INSL6: variants seen among roughly 807,000 people sequenced by gnomAD.
INSL6 encodes the protein insulin-like peptide INSL6.
A neutral mutation model predicts 9.4 loss-of-function variants in INSL6; 16 were observed. The ratio of observed to expected loss-of-function variants is 1.70; its 90% CI spans 1.15 to 2.59. The LOEUF is 2.59. INSL6 is among the 30% of genes most tolerant of loss of function. The probability of loss-of-function intolerance (pLI) is 0.00; values close to 1 mark genes in which losing one functional copy is unlikely to be tolerated. For missense variants in INSL6, 391 were observed against 257.3 expected (o/e 1.52, Z -3.56); for synonymous variants, 154 against 96.9 (o/e 1.59, Z -3.46).
chr9:5,064,193 T>C, the INSL6 span, among the ~76,000 whole-genome samples: 38,115 of 151,680 alleles, frequency 0.25, 5,169 homozygotes, highest in South Asian at 0.31. Context: ...TAGCTACATA[T>C]CCTAACATTT....
At chr9:5,110,669 A>C in the INSL6 span, 2 of 306,162 alleles carry the variant, frequency 6.5e-6, no homozygotes, top group African/African-American at 4.4e-5. Flanking sequence ...ATACTGTCAT[A>C]TACCAACGCC....
chr9:5,171,494 A>T (rs890173907), intron 1 of INSL6, among the ~76,000 whole-genome samples: 5 of 152,326 alleles, frequency 3.3e-5, no homozygotes, highest in African/African-American at 1.2e-4. Context: ...CAATCGGGCA[A>T]GAGAAAGAAA....
chr9:5,147,693 G>A (rs897809644), intron 2 of INSL6, among the ~76,000 whole-genome samples: 1 of 152,196 alleles, frequency 6.6e-6, no homozygotes, highest in African/African-American at 2.4e-5. Flanking sequence ...GAATGCTGAT[G>A]AGTTGTAAAT....
chr9:5,092,315 T>C, the INSL6 span, among the ~76,000 whole-genome samples: 5 of 152,162 alleles, frequency 3.3e-5, no homozygotes, highest in South Asian at 1.0e-3. Context: ...TCCGCAAATA[T>C]CATTCTAGAA....
the INSL6 span, among the ~76,000 whole-genome samples, chr9:5,038,600 T>A: frequency 0.013 from 1,002 of 79,890 alleles, 10 homozygotes; most frequent in African/African-American, 0.049. Flanking sequence ...TTTTAGATTT[T>A]TTTTTTTTTT....
the INSL6 span, chr9:5,086,202 G>T: frequency 1.7e-6 from 1 of 576,250 alleles, no homozygotes; most frequent in African/African-American, 2.0e-5. Context: ...CGCCGCCCCC[G>T]CCACCAGCGC....
intron 1 of INSL6, among the ~76,000 whole-genome samples, chr9:5,172,391 T>A (rs573812998): frequency 3.9e-5 from 6 of 152,100 alleles, no homozygotes; most frequent in South Asian, 4.1e-4. Flanking sequence ...ATTCACAACA[T>A]AGGTATGGGC....
chr9:5,073,730 G>T, the INSL6 span: 1 of 1,612,318 alleles, frequency 6.2e-7, no homozygotes, highest in South Asian at 1.1e-5. Context: ...TGATGAGCAA[G>T]CTTTCTCACA....
the INSL6 span, among the ~76,000 whole-genome samples, chr9:5,021,593 C>T: frequency 6.6e-6 from 1 of 152,108 alleles, no homozygotes; most frequent in African/African-American, 2.4e-5. Context: ...TGAAGGGTGC[C>T]TTATCAATAT....
chr9:5,086,615 C>A, the INSL6 span, among the ~76,000 whole-genome samples: 7 of 152,128 alleles, frequency 4.6e-5, no homozygotes, highest in Non-Finnish European at 8.8e-5. Flanking sequence ...TCCTTGGCTT[C>A]TCTACCCCAA....
At chr9:5,059,378 G>A in the INSL6 span, among the ~76,000 whole-genome samples, 4 of 152,084 alleles carry the variant, frequency 2.6e-5, no homozygotes, top group African/African-American at 9.7e-5. Flanking sequence ...ATTCATTTAT[G>A]TTGTTACATG....
chr9:5,171,888 T>G (rs1429872889), intron 1 of INSL6, among the ~76,000 whole-genome samples: 1 of 152,050 alleles, frequency 6.6e-6, no homozygotes, highest in Non-Finnish European at 1.5e-5. Flanking sequence ...AGAATCAATA[T>G]CGTGAAAATG....
At chr9:5,042,924 C>T in the INSL6 span, among the ~76,000 whole-genome samples, 4 of 152,128 alleles carry the variant, frequency 2.6e-5, no homozygotes, top group Non-Finnish European at 4.4e-5. Context: ...GTGGGCCCTG[C>T]TAGGAGGGTG....
chr9:5,105,893 A>G, the INSL6 span, among the ~76,000 whole-genome samples: 1 of 152,224 alleles, frequency 6.6e-6, no homozygotes, highest in Non-Finnish European at 1.5e-5. Flanking sequence ...CCTTCCTTAC[A>G]CCTTATAGAA....
chr9:5,046,566 T>G, the INSL6 span, among the ~76,000 whole-genome samples: 1 of 152,232 alleles, frequency 6.6e-6, no homozygotes, highest in Non-Finnish European at 1.5e-5. Flanking sequence ...CATTTTGAGT[T>G]AATTTTTGTC....
At chr9:5,021,886 G>A in the INSL6 span, 1 of 782,038 alleles carries the variant, frequency 1.3e-6, no homozygotes, top group Non-Finnish European at 2.1e-6. Flanking sequence ...GCCCGCCTCG[G>A]CCCCGCAAAG....
chr9:5,174,778 T>G (rs1586877442), intron 1 of INSL6, among the ~76,000 whole-genome samples: 1 of 152,196 alleles, frequency 6.6e-6, no homozygotes, highest in Non-Finnish European at 1.5e-5. Context: ...AAACTCAACA[T>G]TGTCTAAAAC....
chr9:5,167,820 G>A (rs1825089197), intron 1 of INSL6, among the ~76,000 whole-genome samples: 1 of 152,156 alleles, frequency 6.6e-6, no homozygotes, highest in African/African-American at 2.4e-5. Flanking sequence ...GGAGTGTTCT[G>A]CTGGCATCAG....
the INSL6 span, chr9:5,065,109 A>G: frequency 6.9e-6 from 7 of 1,010,936 alleles, no homozygotes; most frequent in Admixed American, 1.6e-4. Context: ...AAGATTTAAC[A>G]GAGTGATACA....
Sources: gnomAD v4.1 joint callset for allele counts (sites outside exome capture counted in the v4.1 genomes callset) on GRCh38, gnomAD v4.1.1 for gene constraint, MANE v1.5 for transcripts, NCBI Gene and HGNC (gene_info 2026-07-23, HGNC 2026-07-21) for gene names.